CADPS2: variants seen among roughly 807,000 people sequenced by gnomAD.
CADPS2 encodes calcium-dependent secretion activator 2.
In CADPS2, 93 loss-of-function variants were observed where a neutral mutation model predicts 172.5. That is an observed-to-expected ratio of 0.54 (90% CI 0.46 to 0.64). CADPS2 has a LOEUF of 0.64. Ranked by LOEUF, CADPS2 falls within the 30% of genes least tolerant of loss-of-function variation. The probability of loss-of-function intolerance (pLI) is 0.00; values close to 1 mark genes in which losing one functional copy is unlikely to be tolerated. For synonymous variants in CADPS2, 546 were observed against 555.2 expected (o/e 0.98, Z 0.23); for missense variants, 1,420 against 1,565.9 (o/e 0.91, Z 1.57).
At chr7:122,378,092 T>G (rs2042563701) in intron 25 of CADPS2, among the ~76,000 whole-genome samples, 1 of 152,172 alleles carries the variant, frequency 6.6e-6, no homozygotes, top group South Asian at 2.1e-4. Flanking sequence ...CACTTAATAC[T>G]ATATTACGAA....
intron 8 of CADPS2, among the ~76,000 whole-genome samples, chr7:122,544,960 C>A (rs993157679): frequency 1.3e-5 from 2 of 152,088 alleles, no homozygotes; most frequent in Non-Finnish European, 2.9e-5. Flanking sequence ...TAAGTAAGGT[C>A]CTAGACAGCC....
intron 1 of CADPS2, among the ~76,000 whole-genome samples, chr7:122,757,728 T>C (rs772256011): frequency 1.3e-5 from 2 of 151,676 alleles, no homozygotes; most frequent in Non-Finnish European, 2.9e-5. Context: ...TAGATGCCTG[T>C]CGATTAGGAG....
chr7:122,325,668 G>A (rs1165067977), intron 28 of CADPS2, 87 bp from the exon 29 acceptor site: 1 of 767,570 alleles, frequency 1.3e-6, no homozygotes, highest in African/African-American at 1.7e-5. Flanking sequence ...CGATAATGAG[G>A]GGGTAATAAA....
intron 1 of CADPS2, among the ~76,000 whole-genome samples, chr7:122,828,095 T>C (rs1444559794): frequency 6.6e-6 from 1 of 152,222 alleles, no homozygotes; most frequent in Non-Finnish European, 1.5e-5. Context: ...TGTTGTTTGA[T>C]ACATATCCAT....
chr7:122,745,000 T>A (rs1408679674), intron 1 of CADPS2, among the ~76,000 whole-genome samples: 1 of 151,686 alleles, frequency 6.6e-6, no homozygotes, highest in Admixed American at 6.6e-5. Context: ...GAACTATAAC[T>A]GACAAGTAAA....
intron 6 of CADPS2, among the ~76,000 whole-genome samples, chr7:122,598,950 C>T (rs2072325439): frequency 6.6e-6 from 1 of 151,944 alleles, no homozygotes; most frequent in Admixed American, 6.6e-5. Context: ...TAGGGTATTA[C>T]TGAAGCCCTC....
chr7:122,851,454 G>C (rs1813604770), intron 1 of CADPS2, among the ~76,000 whole-genome samples: 1 of 152,198 alleles, frequency 6.6e-6, no homozygotes, highest in East Asian at 1.9e-4. Context: ...TCCCACAGCA[G>C]GAAGCCTGAG....
intron 8 of CADPS2, among the ~76,000 whole-genome samples, chr7:122,548,907 G>A (rs951234030): frequency 7.9e-5 from 12 of 152,046 alleles, no homozygotes; most frequent in African/African-American, 2.4e-4. Flanking sequence ...AAAGAGCAAC[G>A]AACTACCATA....
intron 8 of CADPS2, among the ~76,000 whole-genome samples, chr7:122,532,774 G>T (rs1260358490): frequency 6.6e-6 from 1 of 152,120 alleles, no homozygotes; most frequent in African/African-American, 2.4e-5. Flanking sequence ...AAAGTATACA[G>T]TTATATTTCC....
chr7:122,544,751 C>A (rs1161689677), intron 8 of CADPS2, among the ~76,000 whole-genome samples: 1 of 152,058 alleles, frequency 6.6e-6, no homozygotes, highest in Non-Finnish European at 1.5e-5. Context: ...TCTCAGGGAC[C>A]AAAGCAAGCC....
intron 9 of CADPS2, among the ~76,000 whole-genome samples, chr7:122,503,871 G>C (rs1351371534): frequency 6.6e-6 from 1 of 152,164 alleles, no homozygotes; most frequent in Admixed American, 6.5e-5. Flanking sequence ...ATTGCAATTA[G>C]GAGGTACTGA....
chr7:122,565,804 T>C (rs946241902), intron 7 of CADPS2, among the ~76,000 whole-genome samples: 1 of 152,180 alleles, frequency 6.6e-6, no homozygotes, highest in Admixed American at 6.5e-5. Flanking sequence ...ATTTAAGATA[T>C]ATTCTCTTAG....
chr7:122,874,894 A>G (rs1820803519), intron 1 of CADPS2, among the ~76,000 whole-genome samples: 1 of 152,230 alleles, frequency 6.6e-6, no homozygotes, highest in African/African-American at 2.4e-5. Context: ...AGATGGATTA[A>G]GGACCTGAAT....
At chr7:122,529,217 G>GT (rs1188323894) in intron 8 of CADPS2, among the ~76,000 whole-genome samples, 3 of 151,444 alleles carry the variant, frequency 2.0e-5, no homozygotes, top group African/African-American at 7.3e-5. Context: ...CAGGAAATCA[G>GT]TACCTTCCCA....
intron 2 of CADPS2, among the ~76,000 whole-genome samples, chr7:122,732,596 TC>T (rs958182390): frequency 1.4e-5 from 2 of 147,692 alleles, no homozygotes; most frequent in Non-Finnish European, 3.0e-5. Context: ...TAGGATTAGA[TC>T]TTTTTGGGTA....
chr7:122,705,947 A>ATACATAATATAT (rs2087241489), intron 2 of CADPS2, among the ~76,000 whole-genome samples: 3 of 958 alleles, frequency 3.1e-3, no homozygotes, highest in African/African-American at 3.3e-3. Context: ...ATATAATATA[A>ATACATAATATAT]TATATAATAT....
chr7:122,712,966 C>T (rs2088998510), intron 2 of CADPS2, among the ~76,000 whole-genome samples: 1 of 151,976 alleles, frequency 6.6e-6, no homozygotes, highest in African/African-American at 2.4e-5. Context: ...AAGATTTCAA[C>T]ATCTCAAGGG....
At chr7:122,769,472 C>T (rs2093649073) in intron 1 of CADPS2, among the ~76,000 whole-genome samples, 1 of 151,964 alleles carries the variant, frequency 6.6e-6, no homozygotes, top group Admixed American at 6.6e-5. Flanking sequence ...CACCTACATC[C>T]CCAACTCTTC....
At chr7:122,850,389 G>A in intron 1 of CADPS2, 1 of 333,242 alleles carries the variant, frequency 3.0e-6, no homozygotes, top group South Asian at 9.3e-5. Context: ...CCTCCCCAGA[G>A]CACTGGGTTG....
Sources: allele counts gnomAD v4.1 joint callset (sites outside exome capture counted in the v4.1 genomes callset), GRCh38; gene constraint gnomAD v4.1.1; transcripts MANE v1.5; gene names NCBI Gene and HGNC (gene_info 2026-07-23, HGNC 2026-07-21).